WASHC2C: variants seen among roughly 807,000 people sequenced by gnomAD.
The protein encoded by WASHC2C is WASH complex subunit 2C.
Under a neutral mutation model 142.2 loss-of-function variants are expected in WASHC2C, and 73 were observed. That is an observed-to-expected ratio of 0.51 (90% CI 0.43 to 0.62). The LOEUF is 0.62. Among genes scored for constraint, WASHC2C ranks in the 20% least tolerant of loss-of-function variants. The pLI is 0.00. For synonymous variants in WASHC2C, 337 were observed against 565.5 expected, an observed-to-expected ratio of 0.60 and a Z score of 5.73; for missense variants, 969 against 1,531.7, an observed-to-expected ratio of 0.63 and a Z score of 6.13.
intron 3 of WASHC2C, among the ~76,000 whole-genome samples, chr10:45,736,647 A>G (rs2051312616): frequency 6.6e-6 from 1 of 152,014 alleles, no homozygotes; most frequent in Non-Finnish European, 1.5e-5. Flanking sequence ...CTCTAAATAT[A>G]TGCACGTGTT....
At chr10:45,742,041 C>T (rs1434231182) in intron 5 of WASHC2C, among the ~76,000 whole-genome samples, 8 of 150,570 alleles carry the variant, frequency 5.3e-5, no homozygotes, top group Non-Finnish European at 7.4e-5. Context: ...GTGATCCGCC[C>T]GCCTCGGCCT....
At chr10:45,769,394 A>G in intron 19 of WASHC2C, 55 bp from the exon 20 acceptor site, 4 of 1,503,100 alleles carry the variant, frequency 2.7e-6, no homozygotes, top group Non-Finnish European at 3.6e-6. Flanking sequence ...CTGGGATTAT[A>G]GGTATGAGCC....
Position 45,765,756 on chromosome 10 carries a change from C to T in WASHC2C, c.1815C>T (p.Ala605=), listed in dbSNP as rs781844626. The change falls in exon 19 of 31, where the codon GCC becomes GCT. Residue 605 remains alanine, a synonymous_variant. Transcript: ENST00000623400. ...CTCAGAGAGAAGAGAAAGCAAAAGC[C>T]TCCGAGCTCTCCAAAAAGAAAGCAT... The part of the protein sequence containing the change: ...LQAQREEKAK[A]SELSKKKASA... The T allele has an allele frequency of 1.2e-6, 2 of 1,611,898 alleles. No homozygotes were observed. The highest frequency in any genetic ancestry group is 2.2e-5 in the East Asian group (1 of 44,886).
intron 20 of WASHC2C, among the ~76,000 whole-genome samples, chr10:45,769,994 A>G (rs1313708795): frequency 6.6e-6 from 1 of 151,832 alleles, no homozygotes; most frequent in Non-Finnish European, 1.5e-5. Flanking sequence ...TAATCCCAGC[A>G]CTTTGGGAGG....
intron 17 of WASHC2C, among the ~76,000 whole-genome samples, chr10:45,760,755 G>A (rs540726849): frequency 0.028 from 3,103 of 111,876 alleles, 31 homozygotes; most frequent in African/African-American, 0.047. Flanking sequence ...CACATACCAC[G>A]CTGTGCTCCT....
chr10:45,765,905 G>A lies in WASHC2C; in HGVS notation c.1869+95G>A, dbSNP rs536534463. 20 of 1,509,424 alleles carry A rather than the reference G, an allele frequency of 1.3e-5. No homozygotes were observed. In the East Asian group the frequency reaches 2.9e-4, roughly 22 times the overall value. The allele number at this position is 1,509,424 out of a possible 1,614,324, so 93.5% of individuals were successfully genotyped here. On this transcript the variant is annotated intron_variant, in intron 19 of 30. Coordinates refer to ENST00000623400, the MANE Select transcript of WASHC2C (RefSeq NM_001330074.2). ...TCTTTTTCTACCTGTTTTATATCTCGTGATGTTCAGTCACCAAAGGCGATG... is the reference window on the plus strand; with the variant it reads ...TCTTTTTCTACCTGTTTTATATCTCATGATGTTCAGTCACCAAAGGCGATG...
At chr10:45,773,882 T>A (rs1589869384) in intron 21 of WASHC2C, among the ~76,000 whole-genome samples, 1 of 57,420 alleles carries the variant, frequency 1.7e-5, no homozygotes, top group African/African-American at 7.1e-5. Flanking sequence ...ATGAAAAACA[T>A]ACTGCAGGCC....
chr10:45,762,676 C>T lies in WASHC2C; in HGVS notation c.1636-712C>T, dbSNP rs1274386589. The stretch of plus-strand genomic sequence containing the variant: ...ATCCCAGCACTTGGGGAAGCCGAGG[C>T]GGGCGGATCACAAGGTCAGGAGATC... On this transcript the variant is annotated intron_variant, in intron 17 of 30. Transcript: ENST00000623400. Among the ~76,000 whole-genome samples the T allele has an allele frequency of 4.6e-5, 7 of 152,176 alleles. No individual in the cohort carries two copies. In the South Asian group the frequency reaches 6.2e-4, roughly 13 times the overall value.
At chr10:45,755,373 A>T (rs1326737727) in intron 15 of WASHC2C, among the ~76,000 whole-genome samples, 5 of 152,244 alleles carry the variant, frequency 3.3e-5, no homozygotes, top group Non-Finnish European at 5.9e-5. Flanking sequence ...TTTCTGTATA[A>T]TTTTTGCTTG....
chr10:45,738,193 C>A, intron 4 of WASHC2C, 148 bp downstream of exon 4: 1 of 1,517,598 alleles, frequency 6.6e-7, no homozygotes, highest in Non-Finnish European at 9.0e-7. Flanking sequence ...GGATTCTTTC[C>A]TTTGTTTCTG....
intron 10 of WASHC2C, among the ~76,000 whole-genome samples, chr10:45,751,265 G>A (rs575373788): frequency 1.0e-3 from 155 of 150,786 alleles, no homozygotes; most frequent in African/African-American, 3.6e-3. Context: ...ATGCACATGA[G>A]CCTGGTACGA....
rs1554886741 is a variant in WASHC2C at position 45,777,348 on chromosome 10, A to T, written c.2218A>T (p.Lys740Ter). The change falls in exon 22 of 31, where the codon AAG (lysine) becomes TAG (stop). Residue 740 changes from lysine to a stop codon, truncating the protein, a stop_gained. Coordinates refer to ENST00000623400, the MANE Select transcript of WASHC2C (RefSeq NM_001330074.2). LOFTEE classifies it high-confidence loss of function. ...EEEKEAQLGV[K>*]SVDKKVESAK... ...AGAGAAGGAGGCACAACTTGGAGTG[A>T]AGTCTGTGGATAAGAAGGTTGAGAG... 6.2e-7 allele frequency: 1 copy of T among 1,607,814 alleles called. No individual in the cohort carries two copies. The highest frequency in any genetic ancestry group is 1.4e-5 in the African/African-American group (1 of 73,318).
At chr10:45,757,620 G>C (rs2054468381) in intron 16 of WASHC2C, among the ~76,000 whole-genome samples, 1 of 152,086 alleles carries the variant, frequency 6.6e-6, no homozygotes, top group East Asian at 1.9e-4. Flanking sequence ...CCAACAAATA[G>C]AATACAGATT....
chr10:45,761,668 G>A (rs531318279), intron 17 of WASHC2C, among the ~76,000 whole-genome samples: 1 of 152,176 alleles, frequency 6.6e-6, no homozygotes, highest in African/African-American at 2.4e-5. Flanking sequence ...AGCTTGCCCT[G>A]TGAAGTCATT....
chr10:45,756,500 AT>A (rs1564751178), intron 15 of WASHC2C, among the ~76,000 whole-genome samples: 1 of 152,040 alleles, frequency 6.6e-6, no homozygotes, highest in East Asian at 1.9e-4. Flanking sequence ...TCATTAGTAC[AT>A]CCTTTGGGGG....
chr10:45,788,477 C>T (rs112333609), intron 28 of WASHC2C, among the ~76,000 whole-genome samples: 1 of 152,136 alleles, frequency 6.6e-6, no homozygotes, highest in Non-Finnish European at 1.5e-5. Context: ...TTCCCCGATT[C>T]TTTCTTGTTT....
chr10:45,775,976 G>A (rs76970144), intron 21 of WASHC2C, among the ~76,000 whole-genome samples: 13 of 152,170 alleles, frequency 8.5e-5, no homozygotes, highest in South Asian at 2.1e-4. Context: ...CACCGTGCCC[G>A]GCCTGCACTG....
In WASHC2C at chr10:45,755,076, G is replaced by T. The variant is rs782272161; in HGVS notation, c.1381G>T (p.Asp461Tyr). Residue 461 changes from aspartate to tyrosine, a missense_variant, in exon 15 of 31, where the codon GAC becomes TAC. Physicochemically the swap from Asp to Tyr is radical, Grantham distance 160 (BLOSUM62 -3). Transcript: ENST00000623400. Reference sequence around the variant, plus strand: ...TGATGATGATGGTGATGATGATGACGACTTTTTCTCGGCACCCCACAGCAA... The same window carrying T: ...TGATGATGATGGTGATGATGATGACTACTTTTTCTCGGCACCCCACAGCAA... ...FDDDDGDDDD[D>Y]FFSAPHSKPS... 1 of 1,611,300 alleles carries T rather than the reference G, an allele frequency of 6.2e-7. No homozygotes were observed. The highest frequency in any genetic ancestry group is 1.3e-5 in the African/African-American group (1 of 74,698).
chr10:45,744,099 C>T (rs1189566310), intron 6 of WASHC2C, among the ~76,000 whole-genome samples: 1 of 151,930 alleles, frequency 6.6e-6, no homozygotes, highest in African/African-American at 2.4e-5. Context: ...TCTCTGGTCA[C>T]CCAGGCTGGA....
Sources: allele counts gnomAD v4.1 joint callset (sites outside exome capture counted in the v4.1 genomes callset), GRCh38; gene constraint gnomAD v4.1.1; transcripts MANE v1.5; gene names NCBI Gene and HGNC (gene_info 2026-07-23, HGNC 2026-07-21).